Variants in PDE4D observed in about 807,000 individuals in gnomAD.
The protein encoded by PDE4D is 3',5'-cyclic-AMP phosphodiesterase 4D.
Under a neutral mutation model 87.4 loss-of-function variants are expected in PDE4D, and 24 were observed. That is an observed-to-expected ratio of 0.27 (90% CI 0.20 to 0.39). The LOEUF is 0.39. PDE4D is among the 10% of genes least tolerant of loss of function. The probability of loss-of-function intolerance (pLI) is 1.00; values close to 1 mark genes in which losing one functional copy is unlikely to be tolerated. For missense variants in PDE4D, 714 were observed against 1,041.0 expected, an observed-to-expected ratio of 0.69 and a Z score of 4.32; for synonymous variants, 384 against 383.2, an observed-to-expected ratio of 1.00 and a Z score of -0.02.
At chr5:59,322,486 G>C (rs554853711) in intron 1 of PDE4D, among the ~76,000 whole-genome samples, 1 of 152,048 alleles carries the variant, frequency 6.6e-6, no homozygotes, top group African/African-American at 2.4e-5. Flanking sequence ...ACAAATGGAG[G>C]TTACTCTCCT....
intron 2 of PDE4D, among the ~76,000 whole-genome samples, chr5:60,120,415 C>T (rs1778573206): frequency 6.6e-6 from 1 of 152,162 alleles, no homozygotes. Flanking sequence ...ATATGTTGCA[C>T]CAAGGTATTG....
chr5:59,580,683 T>C (rs1358346440), intron 1 of PDE4D, among the ~76,000 whole-genome samples: 2 of 152,102 alleles, frequency 1.3e-5, no homozygotes, highest in Non-Finnish European at 2.9e-5. Context: ...TTGTTCAGGC[T>C]GGTCTCTAAT....
intron 2 of PDE4D, among the ~76,000 whole-genome samples, chr5:60,064,982 G>A (rs994207035): frequency 3.9e-5 from 6 of 152,126 alleles, no homozygotes; most frequent in Admixed American, 1.3e-4. Context: ...TAATTCTTTT[G>A]CCTCTAGGCA....
chr5:59,514,033 A>G (rs1810726883), intron 1 of PDE4D, among the ~76,000 whole-genome samples: 1 of 152,170 alleles, frequency 6.6e-6, no homozygotes, highest in South Asian at 2.1e-4. Flanking sequence ...TACACTTTAA[A>G]TGAAATCATG....
At chr5:59,168,576 C>T (rs13357023) in intron 5 of PDE4D, among the ~76,000 whole-genome samples, 2,006 of 152,262 alleles carry the variant, frequency 0.013, 22 homozygotes, top group Non-Finnish European at 0.022. Context: ...TTCTGTGCAT[C>T]CACAGATCTT....
At chr5:59,160,239 C>T (rs890878202) in intron 5 of PDE4D, among the ~76,000 whole-genome samples, 10 of 152,110 alleles carry the variant, frequency 6.6e-5, no homozygotes, top group Non-Finnish European at 8.8e-5. Context: ...ACATATAATA[C>T]GAAGGATTAT....
At chr5:59,218,844 C>A (rs1751833123) in intron 1 of PDE4D, among the ~76,000 whole-genome samples, 1 of 151,868 alleles carries the variant, frequency 6.6e-6, no homozygotes, top group African/African-American at 2.4e-5. Context: ...AAAATAGTGA[C>A]TGATATTTTA....
intron 1 of PDE4D, among the ~76,000 whole-genome samples, chr5:59,838,148 C>T (rs1005204407): frequency 7.9e-5 from 12 of 151,982 alleles, no homozygotes; most frequent in Non-Finnish European, 1.5e-4. Flanking sequence ...TGGAGTTGTT[C>T]TGATGATACT....
At chr5:60,101,898 T>C (rs1582654970) in intron 2 of PDE4D, among the ~76,000 whole-genome samples, 1 of 152,192 alleles carries the variant, frequency 6.6e-6, no homozygotes, top group Non-Finnish European at 1.5e-5. Flanking sequence ...CTAACACTTA[T>C]TAGTATTCTT....
chr5:59,642,512 C>T lies in PDE4D; in HGVS notation c.455+250656G>A, dbSNP rs142935527. ...GGGGAAGTTTCCCCTATACTATTCT[C>T]GTGGTGGTGAATAAGTCTCACAAGA... On this transcript the variant is annotated intron_variant, in intron 1 of 14. Coordinates refer to ENST00000340635, the MANE Select transcript of PDE4D (RefSeq NM_001104631.2). 1.1e-3 allele frequency among the ~76,000 whole-genome samples: 160 copies of T among 152,234 alleles called. 4 individuals are homozygous for T. Among genetic ancestry groups the T allele is most frequent in the African/African-American group, 3.3e-3 (137 of 41,550 alleles).
At chr5:60,055,212 A>G (rs553216671) in intron 2 of PDE4D, among the ~76,000 whole-genome samples, 3 of 152,212 alleles carry the variant, frequency 2.0e-5, no homozygotes, top group African/African-American at 7.2e-5. Context: ...TTGCAAATAT[A>G]TATTAAATTT....
At chr5:59,848,882 T>C (rs753380753) in intron 1 of PDE4D, among the ~76,000 whole-genome samples, 23 of 151,980 alleles carry the variant, frequency 1.5e-4, no homozygotes, top group Non-Finnish European at 2.9e-4. Context: ...ATTTGAGAAA[T>C]GGCAGAACCT....
intron 1 of PDE4D, among the ~76,000 whole-genome samples, chr5:59,337,337 C>CTTT (rs1232280356): frequency 3.8e-5 from 5 of 133,022 alleles, no homozygotes; most frequent in Non-Finnish European, 4.9e-5. Flanking sequence ...CCCCCCCCAC[C>CTTT]TTTTTTTTTT....
At chr5:60,023,145 A>T (rs960282600) in intron 2 of PDE4D, among the ~76,000 whole-genome samples, 1 of 152,168 alleles carries the variant, frequency 6.6e-6, no homozygotes, top group African/African-American at 2.4e-5. Flanking sequence ...AATATGAATA[A>T]TAATAGCAGG....
At chr5:59,644,598 T>TAC (rs1742143784) in intron 1 of PDE4D, among the ~76,000 whole-genome samples, 1 of 152,210 alleles carries the variant, frequency 6.6e-6, no homozygotes, top group Admixed American at 6.5e-5. Context: ...CCCACTTGTT[T>TAC]ACACTGGAAC....
chr5:60,232,074 G>T (rs953013770), intron 1 of PDE4D, among the ~76,000 whole-genome samples: 4 of 151,844 alleles, frequency 2.6e-5, no homozygotes, highest in African/African-American at 7.2e-5. Context: ...CCAACTGTTT[G>T]TAACTTTGTA....
At chr5:60,089,613 C>A (rs575107170) in intron 2 of PDE4D, among the ~76,000 whole-genome samples, 1 of 151,458 alleles carries the variant, frequency 6.6e-6, no homozygotes, top group Non-Finnish European at 1.5e-5. Context: ...AACAAACAAC[C>A]TAACATTGTA....
At chr5:59,483,808 C>T (rs550062939) in intron 1 of PDE4D, among the ~76,000 whole-genome samples, 2 of 152,286 alleles carry the variant, frequency 1.3e-5, no homozygotes, top group East Asian at 3.9e-4. Context: ...ATGCAAGTTG[C>T]TTTTTAGGGA....
intron 6 of PDE4D, among the ~76,000 whole-genome samples, chr5:59,009,781 C>G (rs1459652887): frequency 2.0e-5 from 3 of 152,022 alleles, no homozygotes; most frequent in Admixed American, 2.0e-4. Context: ...TAAATTATAC[C>G]TCAAAAATCT....
Sources: allele counts gnomAD v4.1 joint callset (sites outside exome capture counted in the v4.1 genomes callset), GRCh38; gene constraint gnomAD v4.1.1; transcripts MANE v1.5; gene names NCBI Gene and HGNC (gene_info 2026-07-23, HGNC 2026-07-21).